The following LRRC8B variants were observed in gnomAD, a reference collection of about 807,000 sequenced individuals.
LRRC8B encodes volume-regulated anion channel subunit LRRC8B.
In LRRC8B, 23 loss-of-function variants were observed where a neutral mutation model predicts 58.8. That is an observed-to-expected ratio of 0.39 (90% CI 0.28 to 0.55). The LOEUF is 0.55. Among genes scored for constraint, LRRC8B ranks in the 20% least tolerant of loss-of-function variants. The pLI, the probability that LRRC8B is intolerant of heterozygous loss-of-function variation, is 0.62. For missense variants in LRRC8B, 694 were observed against 936.0 expected, an observed-to-expected ratio of 0.74 and a Z score of 3.37; for synonymous variants, 359 against 374.1, an observed-to-expected ratio of 0.96 and a Z score of 0.47.
chr1:89,569,741 A>G (rs1653308691), intron 3 of LRRC8B, among the ~76,000 whole-genome samples: 1 of 152,058 alleles, frequency 6.6e-6, no homozygotes. Context: ...TCGGAGGTAC[A>G]TGTGCAAGTT....
intron 5 of LRRC8B, among the ~76,000 whole-genome samples, chr1:89,591,822 A>G (rs1408472736): frequency 2.0e-5 from 3 of 152,104 alleles, no homozygotes; most frequent in Non-Finnish European, 4.4e-5. Flanking sequence ...GAACCAAGGA[A>G]CCTACATTAT....
At chr1:89,529,424 G>A (rs7555448) in intron 1 of LRRC8B, among the ~76,000 whole-genome samples, 29,026 of 152,034 alleles carry the variant, frequency 0.19, 3,440 homozygotes, top group South Asian at 0.3. Flanking sequence ...TAAAAACATG[G>A]CATGTGAAAT....
At chr1:89,592,718 T>A (rs1447239279) in intron 5 of LRRC8B, 53 bp from the exon 6 acceptor site, 26 of 1,510,488 alleles carry the variant, frequency 1.7e-5, no homozygotes, top group Non-Finnish European at 1.9e-5. Flanking sequence ...AAATGTCTTA[T>A]CATAAGCCAC....
At chr1:89,540,513 G>C (rs1022192482) in intron 1 of LRRC8B, among the ~76,000 whole-genome samples, 5 of 152,316 alleles carry the variant, frequency 3.3e-5, no homozygotes, top group African/African-American at 1.2e-4. Context: ...ACCTTCCCCA[G>C]TCATGTCAGC....
chr1:89,595,598 C>T lies in LRRC8B; in HGVS notation c.*2555C>T, dbSNP rs1230283227. ...TGAATATTATAAACTGCTTTCCACA[C>T]ACTAGGGTATAATTATTGGTGCAAT... is the stretch of plus-strand genomic sequence containing the variant. On this transcript the variant is annotated 3_prime_UTR_variant, in exon 6 of 6. Transcript: ENST00000330947. The T allele has an allele frequency of 2.0e-5, 3 of 152,112 alleles. No individual in the cohort carries two copies. Among genetic ancestry groups the T allele is most frequent in the South Asian group, 2.1e-4 (1 of 4,830 alleles). 9.4% of individuals were successfully genotyped at this position (152,112 alleles called of 1,614,324 possible).
At position 89,568,232 on chromosome 1, in the gene LRRC8B, T is replaced by G. The variant is rs1040282778; in HGVS notation, c.-240-15T>G. ...AAATGTGTAGTTTGTGACAGTGATT[T>G]GTTTCTCTCCCTAGGTAATAGTTAA... On this transcript the variant is annotated splice_polypyrimidine_tract_variant and intron_variant, in intron 1 of 5. Coordinates refer to ENST00000330947, the MANE Select transcript of LRRC8B (RefSeq NM_001369817.2). The G allele has an allele frequency of 1.3e-5, 2 of 152,174 alleles. No homozygotes were observed. Among genetic ancestry groups the G allele is most frequent in the Non-Finnish European group, 2.9e-5 (2 of 67,984 alleles). 9.4% of individuals were successfully genotyped at this position (152,174 alleles called of 1,614,324 possible).
At position 89,576,459 on chromosome 1, in the gene LRRC8B, C is replaced by A. The variant is rs903956111; in HGVS notation, c.-124-3132C>A. 3.3e-5 allele frequency among the ~76,000 whole-genome samples: 5 copies of A among 152,240 alleles called. No individual in the cohort carries two copies. The South Asian group carries it at 8.3e-4, about 25-fold the overall frequency. ...GGGAGTAAGGCCTGGGTTTACGTTTCTTTTAAAAGTGCCCCAAGAGGTTCT... is the reference window on the plus strand; with the variant it reads ...GGGAGTAAGGCCTGGGTTTACGTTTATTTTAAAAGTGCCCCAAGAGGTTCT... On this transcript the variant is annotated intron_variant, in intron 3 of 5. Coordinates refer to ENST00000330947, the MANE Select transcript of LRRC8B (RefSeq NM_001369817.2).
intron 3 of LRRC8B, among the ~76,000 whole-genome samples, chr1:89,573,892 T>C (rs966318190): frequency 1.3e-5 from 2 of 152,030 alleles, no homozygotes; most frequent in African/African-American, 2.4e-5. Flanking sequence ...TATCAAGAGG[T>C]GGAGTTGATA....
chr1:89,554,898 G>A (rs972150460), intron 1 of LRRC8B, among the ~76,000 whole-genome samples: 1 of 152,166 alleles, frequency 6.6e-6, no homozygotes, highest in African/African-American at 2.4e-5. Context: ...TTCATCTGCT[G>A]TGTATAAAGG....
intron 1 of LRRC8B, among the ~76,000 whole-genome samples, chr1:89,554,125 A>G (rs1026643016): frequency 3.9e-5 from 6 of 152,184 alleles, no homozygotes; most frequent in African/African-American, 1.2e-4. Flanking sequence ...CTTAATTAGC[A>G]TTTGATCCTA....
chr1:89,529,294 G>A (rs1290009236), intron 1 of LRRC8B, among the ~76,000 whole-genome samples: 1 of 152,076 alleles, frequency 6.6e-6, no homozygotes, highest in East Asian at 1.9e-4. Context: ...AAATACTTGG[G>A]CATTTACCCC....
chr1:89,580,031 C>T lies in LRRC8B; in HGVS notation c.-27+343C>T, dbSNP rs143438623. On this transcript the variant is annotated intron_variant, in intron 4 of 5. Transcript: ENST00000330947. Reference sequence around the variant, plus strand: ...GAACTGTTTCACAGAGCAGCTAGTTCGATGACTTTCCACCACAGATTGAAT... The same window carrying T: ...GAACTGTTTCACAGAGCAGCTAGTTTGATGACTTTCCACCACAGATTGAAT... 4.6e-5 allele frequency among the ~76,000 whole-genome samples: 7 copies of T among 152,202 alleles called. No individual in the cohort carries two copies. The South Asian group carries it at 8.3e-4, about 18-fold the overall frequency.
At chr1:89,556,885 C>G (rs1652230895) in intron 1 of LRRC8B, among the ~76,000 whole-genome samples, 1 of 152,190 alleles carries the variant, frequency 6.6e-6, no homozygotes, top group African/African-American at 2.4e-5. Context: ...GCTTCATTCC[C>G]CACACCTTCC....
At position 89,594,409 on chromosome 1, in the gene LRRC8B, A is replaced by G. The variant is rs1303416085; in HGVS notation, c.*1366A>G. 2 of 152,194 alleles carry G rather than the reference A, an allele frequency of 1.3e-5. No homozygotes were observed. The allele number at this position is 152,194 out of a possible 1,614,324, so 9.4% of individuals were successfully genotyped here. A position where few individuals can be genotyped will look rare whatever the true frequency, so the allele number is the denominator to read the frequency against. The stretch of plus-strand genomic sequence containing the variant: ...ATAGTTGCTGTGCAATCGTACGGGT[A>G]AAATTCTTAATTACTTACAAAAACT... On this transcript the variant is annotated 3_prime_UTR_variant, in exon 6 of 6. Coordinates refer to ENST00000330947, the MANE Select transcript of LRRC8B (RefSeq NM_001369817.2).
At chr1:89,559,615 A>ATTT (rs1553156609) in intron 1 of LRRC8B, among the ~76,000 whole-genome samples, 2 of 141,384 alleles carry the variant, frequency 1.4e-5, no homozygotes, top group African/African-American at 5.2e-5. Flanking sequence ...AAAAAAAAAA[A>ATTT]ATATATATAT....
chr1:89,549,456 T>C (rs1473237543), intron 1 of LRRC8B, among the ~76,000 whole-genome samples: 3 of 152,160 alleles, frequency 2.0e-5, no homozygotes, highest in Non-Finnish European at 4.4e-5. Flanking sequence ...ATGAAAAATA[T>C]GCCCTTATGT....
chr1:89,525,362 A>G (rs1207713214), intron 1 of LRRC8B, among the ~76,000 whole-genome samples: 1 of 152,122 alleles, frequency 6.6e-6, no homozygotes. Flanking sequence ...CCTGAGCGTG[A>G]GTCCTCGGGG....
In LRRC8B at chr1:89,573,626, T is replaced by C. The variant is rs1382866116; in HGVS notation, c.-125+5133T>C. On this transcript the variant is annotated intron_variant, in intron 3 of 5. Transcript: ENST00000330947. ...TTTATGATGATGTCAGCTTCTTTCCTTGAATTCTGATTTTTGTGTTCCAGA... is the reference window on the plus strand; with the variant it reads ...TTTATGATGATGTCAGCTTCTTTCCCTGAATTCTGATTTTTGTGTTCCAGA... Among the ~76,000 whole-genome samples, 4 of 152,212 alleles carry C rather than the reference T, an allele frequency of 2.6e-5. No individual in the cohort carries two copies. The East Asian group carries it at 7.7e-4, about 29-fold the overall frequency.
At chr1:89,533,021 T>G (rs865879268) in intron 1 of LRRC8B, among the ~76,000 whole-genome samples, 1 of 152,208 alleles carries the variant, frequency 6.6e-6, no homozygotes, top group African/African-American at 2.4e-5. Flanking sequence ...CTTCAGGTCC[T>G]TCTATCAGTG....
Sources: allele counts gnomAD v4.1 joint callset (sites outside exome capture counted in the v4.1 genomes callset), GRCh38; gene constraint gnomAD v4.1.1; transcripts MANE v1.5; gene names NCBI Gene and HGNC (gene_info 2026-07-23, HGNC 2026-07-21).